Variants in ZFHX4 observed in about 807,000 individuals in gnomAD.
The protein encoded by ZFHX4 is zinc finger homeobox 4.
In ZFHX4, 56 loss-of-function variants were observed where a neutral mutation model predicts 267.6. That is an observed-to-expected ratio of 0.21 (90% confidence interval 0.17 to 0.26). The LOEUF is 0.26. Among genes scored for constraint, ZFHX4 ranks in the 10% least tolerant of loss-of-function variants. ZFHX4 has a pLI of 1.00. For missense variants in ZFHX4, 4,332 were observed against 4,420.0 expected (o/e 0.98, Z 0.56); for synonymous variants, 1,778 against 1,665.6 (o/e 1.07, Z -1.64).
chr8:76,852,442 A>T lies in ZFHX4; in HGVS notation c.5521A>T (p.Ile1841Leu). Residue 1841 changes from isoleucine (I) to leucine (L), a missense_variant, in exon 10 of 11, where the codon ATA (isoleucine) becomes TTA (leucine). Ile to Leu is a conservative substitution (Grantham distance 5, BLOSUM62 2). Transcript: ENST00000651372. ...ATTATTGAAACAAGAGCAAAGTAAC[A>T]TAGTGAGTGCAGACTGCCAAATCAT... Reference protein sequence around the residue: ...SKLLKQEQSNIVSADCQIMKD... With the variant: ...SKLLKQEQSNLVSADCQIMKD... 6.4e-7 allele frequency: 1 copy of T among 1,563,628 alleles called. No individual in the cohort carries two copies. Among genetic ancestry groups the T allele is most frequent in the Non-Finnish European group, 8.7e-7 (1 of 1,153,604 alleles).
At chr8:76,681,710 T>G in intron 1 of ZFHX4, 90 bp downstream of exon 1, 1 of 363,712 alleles carries the variant, frequency 2.7e-6, no homozygotes, top group Non-Finnish European at 4.9e-6. Context: ...TGCACAATCT[T>G]TGATATTTCG....
At chr8:76,699,046 G>T (rs1218730330) in intron 1 of ZFHX4, among the ~76,000 whole-genome samples, 3 of 152,140 alleles carry the variant, frequency 2.0e-5, no homozygotes, top group African/African-American at 7.2e-5. Context: ...GTCTTTGTTT[G>T]TGTGGTTCAC....
At chr8:76,739,852 T>C (rs1392563681) in intron 3 of ZFHX4, among the ~76,000 whole-genome samples, 3 of 152,176 alleles carry the variant, frequency 2.0e-5, no homozygotes, top group African/African-American at 7.2e-5. Flanking sequence ...GAGAAGAAAT[T>C]CAGGCTCTAA....
At chr8:76,802,434 C>T (rs1340666052) in intron 4 of ZFHX4, among the ~76,000 whole-genome samples, 1 of 152,166 alleles carries the variant, frequency 6.6e-6, no homozygotes, top group African/African-American at 2.4e-5. Flanking sequence ...CAAGAAAACG[C>T]ATATGTACTT....
At chr8:76,820,917 A>C (rs1175687911) in intron 4 of ZFHX4, among the ~76,000 whole-genome samples, 1 of 152,158 alleles carries the variant, frequency 6.6e-6, no homozygotes, top group Non-Finnish European at 1.5e-5. Flanking sequence ...CTAAAACCAG[A>C]TGACTTTTGC....
chr8:76,744,695 G>A (rs529306095), intron 3 of ZFHX4, among the ~76,000 whole-genome samples: 1 of 152,202 alleles, frequency 6.6e-6, no homozygotes, highest in East Asian at 1.9e-4. Context: ...TTACAGGGGT[G>A]AGCCATCGCA....
At chr8:76,802,140 G>T (rs972480135) in intron 4 of ZFHX4, among the ~76,000 whole-genome samples, 1 of 152,132 alleles carries the variant, frequency 6.6e-6, no homozygotes, top group Non-Finnish European at 1.5e-5. Context: ...CCTGTCTGCT[G>T]CCTGCTGCTG....
chr8:76,856,310 T>G lies in ZFHX4; in HGVS notation c.9379+10T>G, dbSNP rs767822858. On this transcript the variant is annotated intron_variant, in intron 10 of 10. Transcript: ENST00000651372. Reference sequence around the variant, plus strand: ...CCACAAAATTCAAACAGTAAGTCATTTAAAGGAGACTCAGTCTAGTTAATT... The same window carrying G: ...CCACAAAATTCAAACAGTAAGTCATGTAAAGGAGACTCAGTCTAGTTAATT... The G allele has an allele frequency of 4.3e-6, 7 of 1,613,366 alleles. No individual in the cohort carries two copies. In the East Asian group the frequency reaches 1.6e-4, roughly 36 times the overall value.
At chr8:76,803,063 C>T (rs1194889943) in intron 4 of ZFHX4, among the ~76,000 whole-genome samples, 1 of 152,078 alleles carries the variant, frequency 6.6e-6, no homozygotes, top group African/African-American at 2.4e-5. Flanking sequence ...TATGATAGCC[C>T]ATTTTTCACT....
intron 3 of ZFHX4, among the ~76,000 whole-genome samples, chr8:76,745,698 C>A (rs77032726): frequency 0.017 from 2,610 of 152,024 alleles, 84 homozygotes; most frequent in African/African-American, 0.058. Context: ...GATAAATATG[C>A]CTTTCATAAT....
At chr8:76,714,666 T>C (rs1267443534) in intron 3 of ZFHX4, among the ~76,000 whole-genome samples, 2 of 152,202 alleles carry the variant, frequency 1.3e-5, no homozygotes, top group Admixed American at 1.3e-4. Flanking sequence ...AATTTTTACT[T>C]CTGGTAAATA....
chr8:76,707,752 G>C lies in ZFHX4; in HGVS notation c.2797G>C (p.Glu933Gln), dbSNP rs1460691610. ...HVSSERSLPE[E>Q]EWRAVIGDIY... The stretch of plus-strand genomic sequence containing the variant: ...GAGCAGTGAGCGCTCTCTCCCTGAA[G>C]AGGAATGGAGGGCAGTAATTGGAGA... Residue 933 changes from glutamate (E) to glutamine (Q), a missense_variant, in exon 3 of 11, where the codon GAG becomes CAG. Transcript: ENST00000651372. 6.2e-7 allele frequency: 1 copy of C among 1,613,786 alleles called. No individual in the cohort carries two copies. Among genetic ancestry groups the C allele is most frequent in the Admixed American group, 1.7e-5 (1 of 59,988 alleles).
chr8:76,814,645 C>G (rs1049873226), intron 4 of ZFHX4, among the ~76,000 whole-genome samples: 1 of 152,168 alleles, frequency 6.6e-6, no homozygotes, highest in African/African-American at 2.4e-5. Flanking sequence ...TGGAGCCACT[C>G]TCTTTGGCAT....
At chr8:76,728,407 C>A (rs1381719541) in intron 3 of ZFHX4, among the ~76,000 whole-genome samples, 5 of 152,182 alleles carry the variant, frequency 3.3e-5, no homozygotes, top group African/African-American at 1.2e-4. Flanking sequence ...CTTTTCCTTT[C>A]ATTAGAGCAA....
At position 76,763,616 on chromosome 8, in the gene ZFHX4, C is replaced by T. The variant is rs576175872; in HGVS notation, c.3094-14592C>T. On this transcript the variant is annotated intron_variant, in intron 3 of 10. Transcript: ENST00000651372. ...CCAGCCTGGGTGACAGAGTGAGACC[C>T]TGTCTCCAAAACAAACAAACAAACA... Among the ~76,000 whole-genome samples the T allele has an allele frequency of 2.0e-4, 30 of 152,112 alleles. No homozygotes were observed. The South Asian group carries it at 6.0e-3, about 31-fold the overall frequency.
intron 3 of ZFHX4, among the ~76,000 whole-genome samples, chr8:76,776,564 G>T (rs1204042646): frequency 1.3e-5 from 2 of 152,178 alleles, no homozygotes; most frequent in Non-Finnish European, 2.9e-5. Context: ...GGAAAGAAAA[G>T]CTTACCTTCA....
intron 3 of ZFHX4, among the ~76,000 whole-genome samples, chr8:76,751,711 A>G (rs1809617976): frequency 6.6e-6 from 1 of 152,162 alleles, no homozygotes; most frequent in Non-Finnish European, 1.5e-5. Context: ...TCATGTTTTT[A>G]TTTGTAATAT....
chr8:76,816,485 G>T (rs1264861332), intron 4 of ZFHX4, among the ~76,000 whole-genome samples: 4 of 152,052 alleles, frequency 2.6e-5, no homozygotes, highest in African/African-American at 9.7e-5. Context: ...CTCCTTGAGG[G>T]CACAAGAAGG....
chr8:76,726,749 G>C (rs2131649737), intron 3 of ZFHX4, among the ~76,000 whole-genome samples: 1 of 152,204 alleles, frequency 6.6e-6, no homozygotes, highest in South Asian at 2.1e-4. Context: ...TATCTTCCTT[G>C]ACTATGAAAG....
Sources: gnomAD v4.1 joint callset for allele counts (sites outside exome capture counted in the v4.1 genomes callset) on GRCh38, gnomAD v4.1.1 for gene constraint, MANE v1.5 for transcripts, NCBI Gene and HGNC (gene_info 2026-07-23, HGNC 2026-07-21) for gene names.